RORA: variants seen among roughly 807,000 people sequenced by gnomAD.
RORA encodes RAR related orphan receptor A.
A neutral mutation model predicts 69.5 loss-of-function variants in RORA; 7 were observed. The ratio of observed to expected loss-of-function variants is 0.10; its 90% CI spans 0.06 to 0.19. RORA has a LOEUF of 0.19. Among genes scored for constraint, RORA ranks in the 10% least tolerant of loss-of-function variants. The pLI is 1.00. For missense variants in RORA, 457 were observed against 663.0 expected (o/e 0.69, Z 3.41); for synonymous variants, 261 against 240.8 (o/e 1.08, Z -0.78).
intron 1 of RORA, among the ~76,000 whole-genome samples, chr15:61,040,825 T>C (rs1459644668): frequency 3.3e-5 from 5 of 152,222 alleles, no homozygotes; most frequent in African/African-American, 9.6e-5. Context: ...ATAGTCATAA[T>C]CAATAATCAC....
chr15:61,219,715 C>T (rs762541964), intron 1 of RORA, among the ~76,000 whole-genome samples: 8 of 152,174 alleles, frequency 5.3e-5, no homozygotes, highest in Non-Finnish European at 1.2e-4. Context: ...AATGTGATCT[C>T]GAACACGTTA....
At chr15:60,936,982 AT>A (rs1217484803) in intron 1 of RORA, among the ~76,000 whole-genome samples, 3 of 151,662 alleles carry the variant, frequency 2.0e-5, no homozygotes, top group Admixed American at 6.6e-5. Flanking sequence ...TAGGTCTTAT[AT>A]TTTTTTTTAA....
intron 1 of RORA, among the ~76,000 whole-genome samples, chr15:61,144,496 G>A (rs1382383529): frequency 6.6e-6 from 1 of 152,214 alleles, no homozygotes; most frequent in African/African-American, 2.4e-5. Flanking sequence ...GCTCAGCACA[G>A]CTGCCATGAC....
At chr15:61,153,226 G>A (rs1385473681) in intron 1 of RORA, among the ~76,000 whole-genome samples, 2 of 152,158 alleles carry the variant, frequency 1.3e-5, no homozygotes, top group Admixed American at 1.3e-4. Context: ...TCATGTCCAG[G>A]AGTTCGCCCT....
chr15:60,954,548 C>T (rs895794372), intron 1 of RORA, among the ~76,000 whole-genome samples: 2 of 151,904 alleles, frequency 1.3e-5, no homozygotes, highest in Non-Finnish European at 2.9e-5. Flanking sequence ...GAGGAGTGCC[C>T]TGTTTGGGCC....
Position 60,493,678 on chromosome 15 carries a change from ACTTT to A in RORA, c.*3773_*3776del, listed in dbSNP as rs1024503305. 9.9e-5 allele frequency: 15 copies of A among 152,124 alleles called. No individual in the cohort carries two copies. Among genetic ancestry groups the A allele is most frequent in the East Asian group, 5.8e-4 (3 of 5,188 alleles). 9.4% of individuals were successfully genotyped at this position (152,124 alleles called of 1,614,324 possible). A position where few individuals can be genotyped will look rare whatever the true frequency, so the allele number is the denominator to read the frequency against. ...ATTTTTTTTTTTAGAAAATTACATT[ACTTT>A]CTTTCTTTGTTTCACATTACAAAAT... is the stretch of plus-strand genomic sequence containing the variant. On this transcript the variant is annotated 3_prime_UTR_variant, in exon 11 of 11. Transcript: ENST00000335670.
intron 1 of RORA, among the ~76,000 whole-genome samples, chr15:60,927,681 T>C (rs1325041666): frequency 6.6e-6 from 1 of 152,026 alleles, no homozygotes; most frequent in Admixed American, 6.5e-5. Context: ...GGCTGAGGCA[T>C]GAGAATCACT....
intron 1 of RORA, among the ~76,000 whole-genome samples, chr15:60,895,884 G>A (rs1056415059): frequency 3.3e-5 from 5 of 152,188 alleles, no homozygotes; most frequent in African/African-American, 1.2e-4. Flanking sequence ...TGAGGCAAGA[G>A]CTTAAAGTTC....
At chr15:61,011,726 C>T (rs182969958) in intron 1 of RORA, among the ~76,000 whole-genome samples, 45 of 152,304 alleles carry the variant, frequency 3.0e-4, no homozygotes, top group Admixed American at 2.9e-3. Flanking sequence ...GTCACTTGAG[C>T]TATTTTGATT....
intron 1 of RORA, among the ~76,000 whole-genome samples, chr15:61,198,098 G>A (rs545995913): frequency 2.0e-5 from 3 of 152,222 alleles, no homozygotes; most frequent in South Asian, 4.1e-4. Context: ...CATCTCAGGC[G>A]CAGGATTTAA....
intron 1 of RORA, among the ~76,000 whole-genome samples, chr15:61,118,381 G>A (rs956187824): frequency 3.3e-5 from 5 of 152,182 alleles, no homozygotes; most frequent in African/African-American, 1.2e-4. Flanking sequence ...TTTCCATGGT[G>A]AGAAATAGAA....
intron 1 of RORA, among the ~76,000 whole-genome samples, chr15:60,945,445 A>G (rs1043253231): frequency 3.3e-5 from 5 of 152,156 alleles, no homozygotes; most frequent in African/African-American, 1.2e-4. Context: ...AAACGTTGTT[A>G]TATCATGGCT....
chr15:60,560,210 C>T (rs935987934), intron 2 of RORA, among the ~76,000 whole-genome samples: 15 of 152,168 alleles, frequency 9.9e-5, no homozygotes, highest in Non-Finnish European at 1.0e-4. Context: ...AGCCACAAAA[C>T]GCAGTCCATT....
At chr15:60,920,213 A>G (rs973207421) in intron 1 of RORA, among the ~76,000 whole-genome samples, 4 of 152,210 alleles carry the variant, frequency 2.6e-5, no homozygotes, top group African/African-American at 9.6e-5. Flanking sequence ...ATCTATCTAT[A>G]TATCTAAGTA....
At chr15:60,751,473 A>G (rs761337951) in intron 1 of RORA, among the ~76,000 whole-genome samples, 4 of 152,228 alleles carry the variant, frequency 2.6e-5, no homozygotes, top group African/African-American at 4.8e-5. Flanking sequence ...TATGCCAATC[A>G]TTGAAAATAT....
At chr15:60,828,170 G>A (rs908704810) in intron 1 of RORA, among the ~76,000 whole-genome samples, 25 of 152,162 alleles carry the variant, frequency 1.6e-4, no homozygotes, top group African/African-American at 5.8e-4. Context: ...AGGGAGTGGC[G>A]GTAGCTGTGA....
chr15:60,591,195 C>T (rs55754498), intron 2 of RORA, among the ~76,000 whole-genome samples: 5,261 of 152,272 alleles, frequency 0.035, 149 homozygotes, highest in Middle Eastern at 0.054. Flanking sequence ...CCGCGTCCGC[C>T]GCAAACAGAT....
At chr15:60,820,467 T>A (rs993210395) in intron 1 of RORA, among the ~76,000 whole-genome samples, 5 of 152,198 alleles carry the variant, frequency 3.3e-5, no homozygotes, top group Non-Finnish European at 7.3e-5. Context: ...TCTATATTTT[T>A]ATGTAAAACA....
At chr15:61,158,641 A>G (rs139071294) in intron 1 of RORA, among the ~76,000 whole-genome samples, 354 of 152,274 alleles carry the variant, frequency 2.3e-3, no homozygotes, top group African/African-American at 8.2e-3. Context: ...CCCCGAGGTA[A>G]GTACTATTAT....
Sources: allele counts gnomAD v4.1 joint callset (sites outside exome capture counted in the v4.1 genomes callset), GRCh38; gene constraint gnomAD v4.1.1; transcripts MANE v1.5; gene names NCBI Gene and HGNC (gene_info 2026-07-23, HGNC 2026-07-21).